CFAP47: variants seen among roughly 807,000 people sequenced by gnomAD.
The protein encoded by CFAP47 is cilia and flagella associated protein 47.
CFAP47 carries 29 observed loss-of-function variants against 148.1 expected under a neutral mutation model. That is an observed-to-expected ratio of 0.20 (90% CI 0.15 to 0.27). The LOEUF (loss-of-function observed/expected upper bound fraction) is 0.27, where lower values mean the gene tolerates loss of function less well. Ranked by LOEUF, CFAP47 falls within the 10% of genes least tolerant of loss-of-function variation. CFAP47 has a pLI of 1.00. For missense variants in CFAP47, 1,872 were observed against 1,697.5 expected, an observed-to-expected ratio of 1.10 and a Z score of -1.81; for synonymous variants, 664 against 577.3, an observed-to-expected ratio of 1.15 and a Z score of -2.15.
intron 51 of CFAP47, among the ~76,000 whole-genome samples, chrX:36,297,390 C>T (rs1468084071): frequency 8.9e-6 from 1 of 112,275 alleles, no homozygotes; most frequent in Non-Finnish European, 1.9e-5. Flanking sequence ...ATAACAGCTC[C>T]ATGTTCTAAA....
chrX:36,180,047 C>T (rs1260977294), intron 40 of CFAP47, among the ~76,000 whole-genome samples: 1 of 111,410 alleles, frequency 9.0e-6, no homozygotes, highest in Non-Finnish European at 1.9e-5. Flanking sequence ...AACTTTTCAC[C>T]ACTCTGTGCA....
At chrX:36,123,502 GAC>G (rs913533698) in intron 33 of CFAP47, among the ~76,000 whole-genome samples, 3 of 111,568 alleles carry the variant, frequency 2.7e-5, no homozygotes, top group African/African-American at 9.8e-5. Context: ...AAAACTATGA[GAC>G]ACAGTCCTTC....
intron 57 of CFAP47, among the ~76,000 whole-genome samples, chrX:36,322,500 A>G (rs1941486408): frequency 9.0e-6 from 1 of 111,287 alleles, no homozygotes; most frequent in Non-Finnish European, 1.9e-5. Flanking sequence ...AAACAAAAAT[A>G]TAAACCTTCT....
chrX:36,042,662 CAAAT>C (rs945569181), intron 25 of CFAP47, among the ~76,000 whole-genome samples: 3 of 110,764 alleles, frequency 2.7e-5, no homozygotes, highest in Admixed American at 9.7e-5. Flanking sequence ...CGCCTGTATT[CAAAT>C]AAATAAATAA....
chrX:36,110,134 A>T (rs1233874406), intron 33 of CFAP47, among the ~76,000 whole-genome samples: 1 of 110,442 alleles, frequency 9.1e-6, no homozygotes, highest in Non-Finnish European at 1.9e-5. Context: ...CCATTTGTCA[A>T]TTTTTTCTTT....
intron 37 of CFAP47, among the ~76,000 whole-genome samples, chrX:36,155,027 C>T (rs1417588038): frequency 9.0e-6 from 1 of 110,763 alleles, no homozygotes; most frequent in Non-Finnish European, 1.9e-5. Flanking sequence ...CTGGGAAGTC[C>T]AAGGGATCCA....
intron 50 of CFAP47, among the ~76,000 whole-genome samples, chrX:36,282,316 G>C (rs1941087810): frequency 9.0e-6 from 1 of 110,876 alleles, no homozygotes; most frequent in Non-Finnish European, 1.9e-5. Flanking sequence ...TTAATATCTA[G>C]GGCAGAAGAA....
At chrX:36,237,097 T>C (rs1461216749) in intron 48 of CFAP47, among the ~76,000 whole-genome samples, 1 of 111,824 alleles carries the variant, frequency 8.9e-6, no homozygotes, top group Non-Finnish European at 1.9e-5. Context: ...TAAAGCACAT[T>C]AAAATCTACT....
chrX:35,965,675 T>A (rs895193899), intron 8 of CFAP47, among the ~76,000 whole-genome samples: 2 of 111,685 alleles, frequency 1.8e-5, no homozygotes, highest in Non-Finnish European at 3.8e-5. Flanking sequence ...TACCTATATA[T>A]TTGACAGAAC....
intron 49 of CFAP47, among the ~76,000 whole-genome samples, chrX:36,267,604 G>C (rs1556001245): frequency 1.8e-5 from 2 of 108,265 alleles, no homozygotes; most frequent in Non-Finnish European, 3.8e-5. Flanking sequence ...TCAGCCTCGT[G>C]AGTAGCTGGG....
chrX:35,969,907 G>A (rs1034196971), intron 10 of CFAP47, among the ~76,000 whole-genome samples: 9 of 110,620 alleles, frequency 8.1e-5, no homozygotes, highest in Non-Finnish European at 1.7e-4. Context: ...TCATACTTAT[G>A]TTTTTTTTCT....
chrX:36,364,779 A>T (rs2146992911), intron 61 of CFAP47, among the ~76,000 whole-genome samples: 1 of 107,487 alleles, frequency 9.3e-6, no homozygotes, highest in South Asian at 4.0e-4. Flanking sequence ...TATTAGAAAC[A>T]ATAGAAAACT....
intron 61 of CFAP47, among the ~76,000 whole-genome samples, chrX:36,366,333 T>A (rs782180841): frequency 8.9e-6 from 1 of 111,829 alleles, no homozygotes; most frequent in South Asian, 3.7e-4. Flanking sequence ...TTTGTCATAG[T>A]CAAATGCTTT....
At chrX:36,176,680 G>A (rs922612071) in intron 39 of CFAP47, among the ~76,000 whole-genome samples, 2 of 112,164 alleles carry the variant, frequency 1.8e-5, no homozygotes, top group African/African-American at 3.2e-5. Flanking sequence ...CCAAGGCGGA[G>A]GGATCATGAG....
intron 30 of CFAP47, among the ~76,000 whole-genome samples, chrX:36,091,546 T>A (rs1426947431): frequency 9.0e-6 from 1 of 111,568 alleles, no homozygotes; most frequent in Non-Finnish European, 1.9e-5. Context: ...CTATACCAAT[T>A]TGACTGTAAT....
At chrX:36,023,794 C>G (rs1438522050) in intron 22 of CFAP47, among the ~76,000 whole-genome samples, 1 of 111,929 alleles carries the variant, frequency 8.9e-6, no homozygotes, top group African/African-American at 3.3e-5. Flanking sequence ...CCTTAAGGCA[C>G]AAGGGCTCTT....
chrX:36,240,270 A>C (rs1940525542), intron 48 of CFAP47, among the ~76,000 whole-genome samples: 1 of 111,858 alleles, frequency 8.9e-6, no homozygotes, highest in Admixed American at 9.5e-5. Flanking sequence ...ACAAAAAATA[A>C]GCAATTGTTA....
Position 36,278,232 on chromosome X carries a change from C to T in CFAP47, c.7445-2255C>T, listed in dbSNP as rs192915261. 1.9e-3 allele frequency among the ~76,000 whole-genome samples: 211 copies of T among 111,988 alleles called. 2 individuals carry two copies. Among genetic ancestry groups the T allele is most frequent in the Middle Eastern group, 0.014 (3 of 214 alleles). On this transcript the variant is annotated intron_variant, in intron 49 of 63. Transcript: ENST00000378653. The stretch of plus-strand genomic sequence containing the variant: ...AGAGGCATCAGGCCTTGTTGAGCTG[C>T]GGTGGGCTCCACTCAGTTCAAGCTA...
intron 52 of CFAP47, among the ~76,000 whole-genome samples, chrX:36,300,282 C>T (rs1941285190): frequency 9.9e-6 from 1 of 100,534 alleles, no homozygotes; most frequent in Admixed American, 1.1e-4. Context: ...AGATACCATC[C>T]CAGTTATACT....
Sources: allele counts gnomAD v4.1 joint callset (sites outside exome capture counted in the v4.1 genomes callset), GRCh38; gene constraint gnomAD v4.1.1; transcripts MANE v1.5; gene names NCBI Gene and HGNC (gene_info 2026-07-23, HGNC 2026-07-21).